VGLL4: variants seen among roughly 807,000 people sequenced by gnomAD.
VGLL4 encodes the protein vestigial like family member 4, also known as transcription cofactor vestigial-like protein 4.
VGLL4 carries 7 observed loss-of-function variants against 21.0 expected under a neutral mutation model. That is an observed-to-expected ratio of 0.33 (90% CI 0.19 to 0.63). The LOEUF is 0.63. Among genes scored for constraint, VGLL4 ranks in the 20% least tolerant of loss-of-function variants. The probability of loss-of-function intolerance (pLI) is 0.78; values close to 1 mark genes in which losing one functional copy is unlikely to be tolerated. For synonymous variants in VGLL4, 222 were observed against 173.2 expected, an observed-to-expected ratio of 1.28 and a Z score of -2.21; for missense variants, 394 against 425.7, an observed-to-expected ratio of 0.93 and a Z score of 0.66.
At chr3:11,659,627 C>G (rs1427037594) in intron 2 of VGLL4, among the ~76,000 whole-genome samples, 1 of 145,748 alleles carries the variant, frequency 6.9e-6, no homozygotes, top group Non-Finnish European at 1.5e-5. Context: ...AGCCACCACG[C>G]CCAGCTTCAA....
At chr3:11,654,687 T>C (rs1270818786) in intron 2 of VGLL4, among the ~76,000 whole-genome samples, 3 of 152,214 alleles carry the variant, frequency 2.0e-5, no homozygotes, top group Non-Finnish European at 4.4e-5. Context: ...GTGATCTCTT[T>C]GAAATGAAAC....
chr3:11,661,435 T>A (rs867153018), intron 2 of VGLL4, among the ~76,000 whole-genome samples: 3 of 148,034 alleles, frequency 2.0e-5, no homozygotes, highest in East Asian at 3.9e-4. Context: ...ACATTTTTCC[T>A]TTTATTTATT....
chr3:11,562,403 G>A (rs1183325039), intron 3 of VGLL4, among the ~76,000 whole-genome samples: 1 of 152,194 alleles, frequency 6.6e-6, no homozygotes, highest in Non-Finnish European at 1.5e-5. Context: ...CACAGAGGAA[G>A]GCTTCCACCG....
chr3:11,558,937 C>A, intron 4 of VGLL4, 110 bp from the exon 5 acceptor site: 1 of 1,329,542 alleles, frequency 7.5e-7, no homozygotes, highest in East Asian at 2.5e-5. Context: ...CTGCCACGGT[C>A]AGCGTGGGCT....
chr3:11,638,989 G>A (rs972192077), intron 1 of VGLL4, among the ~76,000 whole-genome samples: 5 of 152,170 alleles, frequency 3.3e-5, no homozygotes, highest in East Asian at 1.9e-4. Context: ...GCTTGAAGTC[G>A]GAATAATTCG....
intron 2 of VGLL4, among the ~76,000 whole-genome samples, chr3:11,694,238 A>G (rs1192430668): frequency 3.3e-5 from 5 of 152,234 alleles, no homozygotes; most frequent in Non-Finnish European, 5.9e-5. Context: ...AAAATTTGAC[A>G]TAAGCATCCT....
rs1214921832 is a variant in VGLL4 at position 11,565,372 on chromosome 3, G to A, written c.273-353C>T. The stretch of plus-strand genomic sequence containing the variant: ...TGGTTCGATAAGGACCTGCCATTTG[G>A]ACAGGACGGGGACGCTGACAACGAT... On this transcript the variant is annotated intron_variant, in intron 2 of 4. Coordinates refer to ENST00000430365, the MANE Select transcript of VGLL4 (RefSeq NM_001128219.3). The surrounding 1 kb of genome is among the most constrained non-coding windows in gnomAD (Gnocchi z 4.1). 6.6e-6 allele frequency among the ~76,000 whole-genome samples: 1 copy of A among 152,156 alleles called. No individual in the cohort carries two copies. Among genetic ancestry groups the A allele is most frequent in the Non-Finnish European group, 1.5e-5 (1 of 68,032 alleles).
rs147755206 is a variant in VGLL4 at position 11,558,738 on chromosome 3, C to G, written c.709G>C (p.Val237Leu). ...YKEPEPAPNS[V>L]SITGSVDDHF... ...TCGTCCACGGAGCCCGTGATGGACA[C>G]GGAGTTGGGTGCCGGCTCGGGCTCC... Residue 237 changes from valine to leucine, a missense_variant, in exon 5 of 5, where the codon GTG becomes CTG. By Grantham distance (32) the Val-to-Leu change is conservative. Transcript: ENST00000430365. 3 of 1,614,094 alleles carry G rather than the reference C, an allele frequency of 1.9e-6. No individual in the cohort carries two copies. Among genetic ancestry groups the G allele is most frequent in the East Asian group, 4.5e-5 (2 of 44,894 alleles).
chr3:11,599,081 G>A (rs985587509), intron 2 of VGLL4, among the ~76,000 whole-genome samples: 8 of 152,072 alleles, frequency 5.3e-5, no homozygotes, highest in East Asian at 1.9e-4. Flanking sequence ...CCTACAACAC[G>A]AAGAAGTAAG....
chr3:11,720,092 G>A (rs1479068966), intron 1 of VGLL4, among the ~76,000 whole-genome samples: 1 of 152,144 alleles, frequency 6.6e-6, no homozygotes, highest in African/African-American at 2.4e-5. Context: ...GACAGCGCAC[G>A]GGACGCCGAC....
rs1294783578 is a variant in VGLL4 at position 11,719,125 on chromosome 3, T to C, written c.-14+1269A>G. 6.6e-6 allele frequency among the ~76,000 whole-genome samples: 1 copy of C among 152,094 alleles called. No individual in the cohort carries two copies. The highest frequency in any genetic ancestry group is 1.9e-4 in the East Asian group (1 of 5,152). On this transcript the variant is annotated intron_variant, in intron 1 of 5. Coordinates refer to the VGLL4 transcript ENST00000273038. The surrounding 1 kb of genome is among the most constrained non-coding windows in gnomAD (Gnocchi z 4.0). ...GGCAGGAAGCACAGGAAGAGTACGG[T>C]GCCCCTTCCCGCAGTCCACATCACA...
chr3:11,587,310 G>A (rs1466073685), intron 2 of VGLL4, among the ~76,000 whole-genome samples: 1 of 152,218 alleles, frequency 6.6e-6, no homozygotes, highest in Non-Finnish European at 1.5e-5. Flanking sequence ...TGGCTCAGGC[G>A]CCTTTCAGCA....
chr3:11,623,364 A>G (rs1040390904), intron 1 of VGLL4, among the ~76,000 whole-genome samples: 3 of 152,208 alleles, frequency 2.0e-5, no homozygotes, highest in Admixed American at 2.0e-4. Flanking sequence ...CACCAATGGC[A>G]AAATCCACAC....
intron 2 of VGLL4, among the ~76,000 whole-genome samples, chr3:11,581,655 C>T (rs2074231627): frequency 6.6e-6 from 1 of 152,186 alleles, no homozygotes; most frequent in African/African-American, 2.4e-5. Context: ...ATTGGTCCTG[C>T]ACTCTAAGGC....
intron 2 of VGLL4, among the ~76,000 whole-genome samples, chr3:11,693,932 G>A (rs1320271886): frequency 1.3e-5 from 2 of 151,978 alleles, no homozygotes; most frequent in African/African-American, 2.4e-5. Flanking sequence ...AGTCTTTCCC[G>A]TCCTCTGGGC....
chr3:11,647,806 A>G (rs952672787), upstream of VGLL4, among the ~76,000 whole-genome samples: 2 of 152,198 alleles, frequency 1.3e-5, no homozygotes, highest in African/African-American at 4.8e-5. Flanking sequence ...CCAGCTGAAT[A>G]AAATCAGTAA....
chr3:11,673,132 TAATC>T (rs759819220), intron 2 of VGLL4, among the ~76,000 whole-genome samples: 1 of 152,100 alleles, frequency 6.6e-6, no homozygotes, highest in Non-Finnish European at 1.5e-5. Flanking sequence ...TCCCTGCCCT[TAATC>T]ACAAGCAGAC....
intron 1 of VGLL4, among the ~76,000 whole-genome samples, chr3:11,615,731 G>A (rs1420204624): frequency 6.6e-6 from 1 of 152,122 alleles, no homozygotes; most frequent in Non-Finnish European, 1.5e-5. Context: ...AGAGTGCAGA[G>A]CTAAGCTGGA....
At chr3:11,607,581 T>C (rs1368139609) in intron 1 of VGLL4, among the ~76,000 whole-genome samples, 1 of 152,206 alleles carries the variant, frequency 6.6e-6, no homozygotes, top group African/African-American at 2.4e-5. Context: ...AATTGTATAG[T>C]ATGTGAATTA....
Sources: allele counts gnomAD v4.1 joint callset (sites outside exome capture counted in the v4.1 genomes callset), GRCh38; gene constraint gnomAD v4.1.1; non-coding constraint Gnocchi (gnomAD v3.1); transcripts MANE v1.5; gene names NCBI Gene and HGNC (gene_info 2026-07-23, HGNC 2026-07-21).